NVL: variants seen among roughly 807,000 people sequenced by gnomAD.
NVL encodes the protein nuclear valosin-containing protein-like.
In NVL, 84 loss-of-function variants were observed where a neutral mutation model predicts 110.2. The ratio of observed to expected loss-of-function variants is 0.76; its 90% confidence interval spans 0.64 to 0.91. The LOEUF (loss-of-function observed/expected upper bound fraction) is 0.91. Among genes scored for constraint, NVL ranks in the 40% least tolerant of loss-of-function variants. The pLI, the probability that NVL is intolerant of heterozygous loss-of-function variation, is 0.00. For missense variants in NVL, 882 were observed against 1,035.9 expected (o/e 0.85, Z 2.04); for synonymous variants, 354 against 361.1 (o/e 0.98, Z 0.22).
At chr1:224,319,266 CA>C (rs1670410596) in intron 2 of NVL, among the ~76,000 whole-genome samples, 1 of 150,698 alleles carries the variant, frequency 6.6e-6, no homozygotes, top group African/African-American at 2.4e-5. Flanking sequence ...TAAAATTTCT[CA>C]AATTATTCCC....
Position 224,289,676 on chromosome 1 carries a change from G to A in NVL, c.1383C>T (p.His461=), listed in dbSNP as rs1274062076. The A allele has an allele frequency of 1.2e-6, 2 of 1,614,238 alleles. No homozygotes were observed. Among genetic ancestry groups the A allele is most frequent in the Non-Finnish European group, 1.7e-6 (2 of 1,180,034 alleles). Residue 461 remains histidine, a synonymous_variant, in exon 13 of 23, where the codon CAC becomes CAT. Coordinates refer to ENST00000281701, the MANE Select transcript of NVL (RefSeq NM_002533.4). ...CAAAGCCTGGAGTTAGGTGTGCTAA[G>A]TGACAGAAATCAAAAGCTTGAGGAA... The part of the protein sequence containing the change: ...LRLPQAFDFC[H]LAHLTPGFVG...
In NVL at chr1:224,281,123, C is replaced by T; in HGVS notation, c.1962G>A (p.Met654Ile). The stretch of plus-strand genomic sequence containing the variant: ...TAATGGTTCTTGCTCAATAACTTAC[C>T]ATGTTTAGTAATTCGGGGCCCTTGA... ...ISVKGPELLN[M>I]YVGESERAVR... The change falls in exon 16 of 23, where the codon ATG becomes ATA. Residue 654 changes from methionine (M) to isoleucine (I), a missense_variant and splice_region_variant. Coordinates refer to ENST00000281701, the MANE Select transcript of NVL (RefSeq NM_002533.4). 4 of 1,612,908 alleles carry T rather than the reference C, an allele frequency of 2.5e-6. No individual in the cohort carries two copies. Among genetic ancestry groups the T allele is most frequent in the Non-Finnish European group, 3.4e-6 (4 of 1,179,092 alleles).
intron 22 of NVL, among the ~76,000 whole-genome samples, chr1:224,228,939 A>AAC (rs1200758326): frequency 6.7e-6 from 1 of 149,904 alleles, no homozygotes; most frequent in Non-Finnish European, 1.5e-5. Flanking sequence ...AAAAAAAAAA[A>AAC]AAAAAAAGAA....
At chr1:224,300,820 T>A (rs1668320959) in intron 9 of NVL, among the ~76,000 whole-genome samples, 157 bp from the exon 10 acceptor site, 1 of 152,112 alleles carries the variant, frequency 6.6e-6, no homozygotes, top group African/African-American at 2.4e-5. Context: ...AATCAATGGT[T>A]TTGGCCGGGC....
At chr1:224,305,671 C>A (rs561496475) in intron 6 of NVL, among the ~76,000 whole-genome samples, 10 of 152,168 alleles carry the variant, frequency 6.6e-5, no homozygotes, top group African/African-American at 2.2e-4. Flanking sequence ...AATTCTCCTG[C>A]CTCAGCCTCC....
chr1:224,328,520 T>C (rs1671368557), intron 1 of NVL, among the ~76,000 whole-genome samples: 1 of 151,718 alleles, frequency 6.6e-6, no homozygotes, highest in South Asian at 2.1e-4. Context: ...GGAATAGGCT[T>C]TAGGTAAAAG....
chr1:224,313,112 T>C (rs1200621301), intron 4 of NVL: 3 of 381,660 alleles, frequency 7.9e-6, no homozygotes, highest in East Asian at 1.7e-4. Context: ...TAAGCCATGA[T>C]TGTGCCAGTG....
In NVL at chr1:224,303,862, C is replaced by T. The variant is rs1365927082; in HGVS notation, c.826-5G>A. ...TATGAGCATCTTGCAGACCTCCTAG[C>T]AGAGGATAAGCACAAAGATGTCTTT... On this transcript the variant is annotated splice_polypyrimidine_tract_variant and splice_region_variant and intron_variant, in intron 8 of 22. Coordinates refer to ENST00000281701, the MANE Select transcript of NVL (RefSeq NM_002533.4). The T allele has an allele frequency of 6.2e-7, 1 of 1,604,160 alleles. No homozygotes were observed. Among genetic ancestry groups the T allele is most frequent in the African/African-American group, 1.3e-5 (1 of 74,518 alleles).
At chr1:224,309,861 T>G (rs1669332731) in intron 5 of NVL, among the ~76,000 whole-genome samples, 1 of 152,066 alleles carries the variant, frequency 6.6e-6, no homozygotes, top group Admixed American at 6.6e-5. Context: ...AAACCACATC[T>G]CTACTAAAAA....
intron 16 of NVL, among the ~76,000 whole-genome samples, chr1:224,279,026 A>C (rs1666055479): frequency 6.6e-6 from 1 of 152,130 alleles, no homozygotes. Flanking sequence ...TGCCCAGCCA[A>C]TACCTAATAT....
At chr1:224,249,321 C>T (rs1263762751) in intron 19 of NVL, among the ~76,000 whole-genome samples, 1 of 152,150 alleles carries the variant, frequency 6.6e-6, no homozygotes, top group Admixed American at 6.5e-5. Context: ...GATGGGGTTT[C>T]CCCATGTTTC....
intron 17 of NVL, among the ~76,000 whole-genome samples, chr1:224,272,451 C>T (rs1325084171): frequency 6.6e-6 from 1 of 152,318 alleles, no homozygotes; most frequent in African/African-American, 2.4e-5. Flanking sequence ...GGCGTAGTGG[C>T]TCACATCTGT....
At chr1:224,247,084 C>T (rs1319204957) in intron 19 of NVL, among the ~76,000 whole-genome samples, 3 of 149,470 alleles carry the variant, frequency 2.0e-5, no homozygotes, top group Non-Finnish European at 3.0e-5. Context: ...ACAGAGCCAA[C>T]GAAAGGGAGA....
chr1:224,248,336 C>G (rs1378651388), intron 19 of NVL, among the ~76,000 whole-genome samples: 4 of 152,148 alleles, frequency 2.6e-5, no homozygotes, highest in African/African-American at 9.6e-5. Flanking sequence ...ATTGATGTTT[C>G]TCAGTCATAT....
At chr1:224,244,115 C>G (rs1661530197) in intron 19 of NVL, among the ~76,000 whole-genome samples, 1 of 151,638 alleles carries the variant, frequency 6.6e-6, no homozygotes, top group Admixed American at 6.6e-5. Context: ...TGCCTATAAT[C>G]CCAGCACTTT....
At chr1:224,228,195 T>A (rs2102679911) in intron 22 of NVL, among the ~76,000 whole-genome samples, 1 of 152,250 alleles carries the variant, frequency 6.6e-6, no homozygotes, top group Non-Finnish European at 1.5e-5. Flanking sequence ...AATCGTTGAC[T>A]CAAGTTTTCC....
intron 17 of NVL, among the ~76,000 whole-genome samples, chr1:224,272,746 C>T (rs988635683): frequency 6.7e-6 from 1 of 149,700 alleles, no homozygotes; most frequent in Non-Finnish European, 1.5e-5. Context: ...AAAAACAAAA[C>T]ACAACAGGCC....
intron 15 of NVL, 138 bp from the exon 16 acceptor site, chr1:224,281,323 T>C (rs537363726): frequency 3.8e-5 from 26 of 685,462 alleles, no homozygotes; most frequent in East Asian, 5.6e-5. Context: ...GAGATTTAGA[T>C]GGAGTCTTGC....
intron 9 of NVL, among the ~76,000 whole-genome samples, chr1:224,301,383 G>A (rs1211848860): frequency 6.6e-6 from 1 of 152,074 alleles, no homozygotes; most frequent in Non-Finnish European, 1.5e-5. Flanking sequence ...GGGGATACAG[G>A]AGTGACCATT....
Sources: gnomAD v4.1 joint callset for allele counts (sites outside exome capture counted in the v4.1 genomes callset) on GRCh38, gnomAD v4.1.1 for gene constraint, MANE v1.5 for transcripts, NCBI Gene and HGNC (gene_info 2026-07-23, HGNC 2026-07-21) for gene names.